PHF14: variants seen among roughly 807,000 people sequenced by gnomAD.
The protein encoded by PHF14 is PHD finger protein 14.
A neutral mutation model predicts 117.9 loss-of-function variants in PHF14; 55 were observed. The observed-to-expected ratio is 0.47, with a 90% CI of 0.38 to 0.58. PHF14 has a LOEUF of 0.58. Among genes scored for constraint, PHF14 ranks in the 20% least tolerant of loss-of-function variants. The probability of loss-of-function intolerance (pLI) is 0.00; values close to 1 mark genes in which losing one functional copy is unlikely to be tolerated. For synonymous variants in PHF14, 409 were observed against 368.6 expected (o/e 1.11, Z -1.26); for missense variants, 978 against 1,122.2 (o/e 0.87, Z 1.84).
chr7:11,062,242 A>C, intron 16 of PHF14, 157 bp downstream of exon 16: 2 of 533,672 alleles, frequency 3.7e-6, no homozygotes, highest in Non-Finnish European at 6.4e-6. Flanking sequence ...TCCACTTCTT[A>C]ACCTCTCACA....
At chr7:11,018,664 T>G (rs998095232) in intron 5 of PHF14, among the ~76,000 whole-genome samples, 2 of 152,212 alleles carry the variant, frequency 1.3e-5, no homozygotes, top group East Asian at 3.8e-4. Flanking sequence ...TTTTTCCAAA[T>G]ACAACATTAT....
At chr7:10,990,606 C>A in intron 3 of PHF14, 97 bp from the exon 4 acceptor site, 2 of 670,622 alleles carry the variant, frequency 3.0e-6, no homozygotes, top group Non-Finnish European at 4.9e-6. Flanking sequence ...TTTGGAAATG[C>A]ATATAATAAT....
intron 2 of PHF14, among the ~76,000 whole-genome samples, chr7:10,977,648 G>A (rs1485909962): frequency 1.3e-5 from 2 of 152,112 alleles, no homozygotes; most frequent in Admixed American, 6.5e-5. Flanking sequence ...GCAAAAGTAA[G>A]CTTCTCATTT....
intron 17 of PHF14, among the ~76,000 whole-genome samples, chr7:11,119,460 T>C (rs1787688766): frequency 1.3e-5 from 2 of 151,862 alleles, no homozygotes. Flanking sequence ...TGTAAATTTT[T>C]ATTCCAGTTT....
chr7:11,036,502 G>A lies in PHF14; in HGVS notation c.1687G>A (p.Glu563Lys). 1 of 1,613,928 alleles carries A rather than the reference G, an allele frequency of 6.2e-7. No individual in the cohort carries two copies. The highest frequency in any genetic ancestry group is 8.5e-7 in the Non-Finnish European group (1 of 1,179,842). The change falls in exon 9 of 18, where the codon GAA becomes AAA. Residue 563 changes from glutamate (E) to lysine (K), a missense_variant. Glu to Lys is a moderately conservative substitution (Grantham distance 56). Transcript: ENST00000634607. ...CAGACCCCAGGCCTGGGTTCCAAGG[G>A]AAAAATTGCCCAGACCACTCACCAG... is the stretch of plus-strand genomic sequence containing the variant. ...STRPQAWVPREKLPRPLTSSA... is the reference protein window; with the variant it reads ...STRPQAWVPRKKLPRPLTSSA...
chr7:11,014,304 T>A (rs1467199214), intron 5 of PHF14, among the ~76,000 whole-genome samples: 2 of 152,042 alleles, frequency 1.3e-5, no homozygotes, highest in South Asian at 2.1e-4. Context: ...CTTAATACAG[T>A]GATTTAAAAA....
At chr7:11,097,225 T>G (rs1458907714) in intron 16 of PHF14, among the ~76,000 whole-genome samples, 1 of 152,164 alleles carries the variant, frequency 6.6e-6, no homozygotes, top group Non-Finnish European at 1.5e-5. Flanking sequence ...GTGATCCGCC[T>G]GCCTCAGCCT....
chr7:11,105,715 GC>G (rs1787236886), intron 16 of PHF14: 1 of 984,350 alleles, frequency 1.0e-6, no homozygotes, highest in African/African-American at 1.8e-5. Flanking sequence ...AAAAGTGGAA[GC>G]CTCTTTCCCA....
At chr7:11,055,313 A>C (rs542624008) in intron 14 of PHF14, among the ~76,000 whole-genome samples, 19 of 152,272 alleles carry the variant, frequency 1.2e-4, no homozygotes, top group African/African-American at 4.1e-4. Flanking sequence ...GAAAGCTTTC[A>C]GATTTTCTTT....
chr7:11,063,405 G>T (rs139733669), intron 16 of PHF14: 6 of 976,126 alleles, frequency 6.1e-6, no homozygotes, highest in Non-Finnish European at 7.3e-6. Context: ...TGGAGTAAAT[G>T]AAACAATAAA....
At chr7:11,104,552 G>C in intron 16 of PHF14, 1 of 981,796 alleles carries the variant, frequency 1.0e-6, no homozygotes, top group Non-Finnish European at 1.2e-6. Flanking sequence ...TCAGGTAAAT[G>C]ATAGTTGTTT....
intron 17 of PHF14, among the ~76,000 whole-genome samples, chr7:11,137,883 G>A (rs151068657): frequency 5.3e-5 from 8 of 151,924 alleles, no homozygotes; most frequent in African/African-American, 1.7e-4. Flanking sequence ...CACTGCGCCC[G>A]GCCCTGTTGA....
At chr7:11,162,151 C>T (rs747457750) in intron 17 of PHF14, among the ~76,000 whole-genome samples, 1 of 123,560 alleles carries the variant, frequency 8.1e-6, no homozygotes, top group Admixed American at 1.1e-4. Context: ...TGCAGTGGTG[C>T]AATCCTGGCT....
At chr7:11,136,759 C>G (rs778158933) in intron 17 of PHF14, among the ~76,000 whole-genome samples, 7 of 151,814 alleles carry the variant, frequency 4.6e-5, no homozygotes, top group African/African-American at 1.7e-4. Context: ...TATATGAGAC[C>G]AAGAAATTCT....
intron 1 of PHF14, 116 bp downstream of exon 1, chr7:10,974,440 C>G (rs1279684283): frequency 5.8e-6 from 5 of 868,612 alleles, no homozygotes; most frequent in Non-Finnish European, 9.4e-6. Context: ...GATTGGTGGA[C>G]CCTCGCCCTC....
intron 17 of PHF14, among the ~76,000 whole-genome samples, chr7:11,114,630 G>A (rs1047568155): frequency 1.3e-5 from 2 of 152,052 alleles, no homozygotes; most frequent in African/African-American, 4.8e-5. Flanking sequence ...AGCATGATAA[G>A]ACTTTCTCTG....
At chr7:11,023,241 C>T (rs1783794996) in intron 6 of PHF14, among the ~76,000 whole-genome samples, 1 of 151,992 alleles carries the variant, frequency 6.6e-6, no homozygotes. Flanking sequence ...GTTCACAATG[C>T]CTAATACATA....
chr7:11,114,271 A>G (rs538514287), intron 17 of PHF14, among the ~76,000 whole-genome samples: 2 of 152,212 alleles, frequency 1.3e-5, no homozygotes, highest in East Asian at 3.9e-4. Flanking sequence ...TGCTGGAAAA[A>G]TGAATTGCAC....
At chr7:11,164,926 G>A (rs1789155667) in intron 17 of PHF14, among the ~76,000 whole-genome samples, 1 of 152,036 alleles carries the variant, frequency 6.6e-6, no homozygotes, top group Non-Finnish European at 1.5e-5. Context: ...TCATAACCTT[G>A]ACATTCTTTT....
Sources: gnomAD v4.1 joint callset for allele counts (sites outside exome capture counted in the v4.1 genomes callset) on GRCh38, gnomAD v4.1.1 for gene constraint, MANE v1.5 for transcripts, NCBI Gene and HGNC (gene_info 2026-07-23, HGNC 2026-07-21) for gene names.